Variants in MEGF11 observed in about 807,000 individuals in gnomAD.
MEGF11 encodes multiple epidermal growth factor-like domains protein 11.
Under a neutral mutation model 146.6 loss-of-function variants are expected in MEGF11, and 126 were observed. That is an observed-to-expected ratio of 0.86 (90% confidence interval 0.74 to 1.00). The LOEUF (loss-of-function observed/expected upper bound fraction) is 1.00, where lower values mean the gene tolerates loss of function less well. Ranked by LOEUF, MEGF11 falls within the 50% of genes least tolerant of loss-of-function variation. MEGF11 has a pLI of 0.00. For synonymous variants in MEGF11, 532 were observed against 583.4 expected (o/e 0.91, Z 1.27); for missense variants, 1,509 against 1,521.2 (o/e 0.99, Z 0.13).
chr15:65,931,280 C>G (rs138476286), intron 10 of MEGF11, among the ~76,000 whole-genome samples: 2 of 152,254 alleles, frequency 1.3e-5, no homozygotes, highest in Non-Finnish European at 2.9e-5. Context: ...GAAGGGGCCA[C>G]GAGCTGAGGA....
intron 1 of MEGF11, among the ~76,000 whole-genome samples, chr15:66,153,429 C>A (rs965680010): frequency 3.9e-5 from 6 of 152,042 alleles, no homozygotes; most frequent in Non-Finnish European, 8.8e-5. Context: ...AAAAATTAGC[C>A]GGGCATGGTG....
intron 9 of MEGF11, among the ~76,000 whole-genome samples, chr15:65,959,704 TTAAATGATAA>T (rs1381679390): frequency 6.6e-6 from 1 of 152,182 alleles, no homozygotes; most frequent in Non-Finnish European, 1.5e-5. Context: ...TGGAAGCAAT[TTAAATGATAA>T]TAAATAATAT....
intron 10 of MEGF11, among the ~76,000 whole-genome samples, chr15:65,953,140 G>C (rs1006907784): frequency 8.5e-5 from 13 of 152,272 alleles, no homozygotes; most frequent in African/African-American, 3.1e-4. Flanking sequence ...GGGAAGCAAC[G>C]TTCCCCCACT....
intron 5 of MEGF11, among the ~76,000 whole-genome samples, chr15:66,071,581 C>A (rs185778619): frequency 5.3e-5 from 8 of 152,286 alleles, no homozygotes; most frequent in Admixed American, 1.3e-4. Flanking sequence ...CCAGAAAGGC[C>A]CTGCAGCTGC....
At chr15:66,244,603 G>GA (rs1014944122) in intron 1 of MEGF11, among the ~76,000 whole-genome samples, 14 of 152,216 alleles carry the variant, frequency 9.2e-5, no homozygotes, top group African/African-American at 2.9e-4. Flanking sequence ...GAAGCCACCC[G>GA]ACTCTCCCAG....
chr15:65,977,425 T>C (rs1567186035), intron 7 of MEGF11, among the ~76,000 whole-genome samples: 1 of 150,896 alleles, frequency 6.6e-6, no homozygotes, highest in Non-Finnish European at 1.5e-5. Context: ...ATCTTCCTTC[T>C]CAAACCTGAG....
chr15:65,930,959 G>T lies in MEGF11; in HGVS notation c.1288-16C>A. 1 of 1,562,986 alleles carries T rather than the reference G, an allele frequency of 6.4e-7. No homozygotes were observed. The highest frequency in any genetic ancestry group is 8.7e-7 in the Non-Finnish European group (1 of 1,148,368). On this transcript the variant is annotated splice_polypyrimidine_tract_variant and intron_variant, in intron 10 of 25. Coordinates refer to ENST00000395614, the MANE Select transcript of MEGF11 (RefSeq NM_001385028.1). Reference sequence around the variant, plus strand: ...AGACCTCTCCCTGGAAAGGGAGGGGGTGAATTTTGGATCAAAGGTTGCTCC... The same window carrying T: ...AGACCTCTCCCTGGAAAGGGAGGGGTTGAATTTTGGATCAAAGGTTGCTCC...
chr15:66,011,408 C>T (rs547196619), intron 5 of MEGF11, among the ~76,000 whole-genome samples: 121 of 152,220 alleles, frequency 7.9e-4, no homozygotes, highest in Middle Eastern at 3.4e-3. Context: ...TCTATAAAAA[C>T]GACACTGGGA....
At chr15:66,072,554 A>G (rs545196187) in intron 5 of MEGF11, among the ~76,000 whole-genome samples, 19 of 152,374 alleles carry the variant, frequency 1.2e-4, no homozygotes, top group Non-Finnish European at 1.9e-4. Context: ...CATCTAAAAC[A>G]GGTACGCAGT....
chr15:66,019,205 C>T (rs2083008708), intron 5 of MEGF11, among the ~76,000 whole-genome samples: 1 of 152,158 alleles, frequency 6.6e-6, no homozygotes, highest in South Asian at 2.1e-4. Flanking sequence ...TGACCCTTCC[C>T]TTCTGGGCCC....
At chr15:66,141,289 T>TGAGAGAGAGAGAGA (rs1169589606) in intron 1 of MEGF11, among the ~76,000 whole-genome samples, 5 of 101,248 alleles carry the variant, frequency 4.9e-5, no homozygotes, top group African/African-American at 1.6e-4. Context: ...TGTGTGTGTG[T>TGAGAGAGAGAGAGA]GAGAGAGAGA....
chr15:66,171,273 C>T (rs754736431), intron 1 of MEGF11, among the ~76,000 whole-genome samples: 1 of 152,210 alleles, frequency 6.6e-6, no homozygotes, highest in Non-Finnish European at 1.5e-5. Flanking sequence ...TCTGCTCAAC[C>T]ACGGGGGCGG....
At chr15:65,988,188 T>C (rs2081930043) in intron 5 of MEGF11, among the ~76,000 whole-genome samples, 1 of 151,952 alleles carries the variant, frequency 6.6e-6, no homozygotes, top group African/African-American at 2.4e-5. Context: ...TCCTATTTTT[T>C]TGTAGGGATG....
At chr15:65,899,162 T>G (rs920325297) in intron 24 of MEGF11, among the ~76,000 whole-genome samples, 1 of 152,190 alleles carries the variant, frequency 6.6e-6, no homozygotes, top group African/African-American at 2.4e-5. Context: ...AACATTTTTG[T>G]TTTTAGTAGT....
At chr15:66,193,263 G>T (rs553150886) in intron 1 of MEGF11, among the ~76,000 whole-genome samples, 3 of 152,192 alleles carry the variant, frequency 2.0e-5, no homozygotes, top group African/African-American at 7.2e-5. Context: ...TCTGGGCTCA[G>T]ACTGAAGCTG....
chr15:66,173,676 T>C (rs1476570008), intron 1 of MEGF11, among the ~76,000 whole-genome samples: 1 of 152,138 alleles, frequency 6.6e-6, no homozygotes, highest in Admixed American at 6.5e-5. Context: ...AGCTGTGAAC[T>C]GCCTCCCTCC....
intron 1 of MEGF11, among the ~76,000 whole-genome samples, chr15:66,139,858 G>A (rs1238254371): frequency 2.0e-5 from 3 of 152,232 alleles, no homozygotes; most frequent in South Asian, 4.1e-4. Context: ...CAGGTTATGA[G>A]GAGGAAGTCA....
At chr15:66,001,441 G>A (rs1221349549) in intron 5 of MEGF11, among the ~76,000 whole-genome samples, 1 of 152,096 alleles carries the variant, frequency 6.6e-6, no homozygotes, top group Non-Finnish European at 1.5e-5. Context: ...CCGGGTAGAG[G>A]ATGCTGTCAC....
At chr15:66,139,018 G>A (rs1274692040) in intron 1 of MEGF11, among the ~76,000 whole-genome samples, 1 of 152,218 alleles carries the variant, frequency 6.6e-6, no homozygotes, top group Non-Finnish European at 1.5e-5. Context: ...GTGAATTTCA[G>A]TAAGTTTGCA....
Sources: gnomAD v4.1 joint callset for allele counts (sites outside exome capture counted in the v4.1 genomes callset) on GRCh38, gnomAD v4.1.1 for gene constraint, MANE v1.5 for transcripts, NCBI Gene and HGNC (gene_info 2026-07-23, HGNC 2026-07-21) for gene names.